THNSL1: variants seen among roughly 807,000 people sequenced by gnomAD.
THNSL1 encodes threonine synthase-like 1.
In THNSL1, 48 loss-of-function variants were observed where a neutral mutation model predicts 50.4. That is an observed-to-expected ratio of 0.95 (90% CI 0.76 to 1.21). THNSL1 has a LOEUF of 1.21. Ranked by LOEUF, THNSL1 falls within the 50% of genes most tolerant of loss-of-function variation. The probability of loss-of-function intolerance (pLI) is 0.00; values close to 1 mark genes in which losing one functional copy is unlikely to be tolerated. For missense variants in THNSL1, 896 were observed against 871.7 expected, an observed-to-expected ratio of 1.03 and a Z score of -0.35; for synonymous variants, 309 against 306.1, an observed-to-expected ratio of 1.01 and a Z score of -0.10.
upstream of THNSL1, among the ~76,000 whole-genome samples, chr10:25,014,631 C>CA (rs1270438156): frequency 3.3e-5 from 5 of 152,052 alleles, no homozygotes; most frequent in Non-Finnish European, 7.4e-5. Context: ...TACAATCTAC[C>CA]AATCTGTTAT....
At chr10:25,002,585 T>C in the THNSL1 span, among the ~76,000 whole-genome samples, 2 of 152,210 alleles carry the variant, frequency 1.3e-5, no homozygotes, top group South Asian at 2.1e-4. Context: ...TGTTGTTTCA[T>C]ATATTTTTTT....
At chr10:25,001,240 CTAAAGA>C in the THNSL1 span, among the ~76,000 whole-genome samples, 1 of 151,896 alleles carries the variant, frequency 6.6e-6, no homozygotes, top group Admixed American at 6.6e-5. Flanking sequence ...TCCATCGTTT[CTAAAGA>C]TAAATTTACT....
At chr10:24,988,664 GTATATATATATATATA>G in the THNSL1 span, among the ~76,000 whole-genome samples, 410 of 98,612 alleles carry the variant, frequency 4.2e-3, 4 homozygotes, top group Middle Eastern at 6.0e-3. Flanking sequence ...CACAGCATAT[GTATATATATATATATA>G]TATATATATA....
the THNSL1 span, among the ~76,000 whole-genome samples, chr10:24,967,692 ATGTG>A: frequency 4.6e-5 from 7 of 150,872 alleles, no homozygotes; most frequent in African/African-American, 1.2e-4. Context: ...ATGTGTCCAT[ATGTG>A]TGTATGATGT....
intron 1 of THNSL1, among the ~76,000 whole-genome samples, chr10:25,020,133 A>G (rs909457408): frequency 1.3e-5 from 2 of 152,106 alleles, no homozygotes; most frequent in African/African-American, 4.8e-5. Flanking sequence ...TAGAAATAAT[A>G]TATATTATAG....
chr10:24,970,206 C>T, the THNSL1 span, among the ~76,000 whole-genome samples: 2 of 152,198 alleles, frequency 1.3e-5, no homozygotes, highest in Non-Finnish European at 2.9e-5. Flanking sequence ...TAAGTATGCA[C>T]TCTTCTGAAA....
At chr10:25,004,971 C>T in the THNSL1 span, among the ~76,000 whole-genome samples, 2 of 152,146 alleles carry the variant, frequency 1.3e-5, no homozygotes, top group African/African-American at 4.8e-5. Flanking sequence ...TTTCATTCTT[C>T]TGCATATGGC....
the THNSL1 span, among the ~76,000 whole-genome samples, chr10:25,006,378 C>A: frequency 6.6e-6 from 1 of 152,132 alleles, no homozygotes; most frequent in Non-Finnish European, 1.5e-5. Flanking sequence ...TGGCAGCACA[C>A]CGAGAACATT....
At position 25,024,865 on chromosome 10, in the gene THNSL1, C is replaced by T. The variant is rs770057423; in HGVS notation, c.1642C>T (p.His548Tyr). 29 of 1,613,950 alleles carry T rather than the reference C, an allele frequency of 1.8e-5. No individual in the cohort carries two copies. Among genetic ancestry groups the T allele is most frequent in the Non-Finnish European group, 2.5e-5 (29 of 1,180,032 alleles). Reference protein sequence around the residue: ...HVLTDFIKTGHYDLRERKLAQ... With the variant: ...HVLTDFIKTGYYDLRERKLAQ... The stretch of plus-strand genomic sequence containing the variant: ...TTTGACTGATTTTATAAAAACAGGA[C>T]ATTATGATCTAAGGGAAAGAAAACT... Residue 548 changes from histidine to tyrosine, a missense_variant, in exon 3 of 3, where the codon CAT (histidine) becomes TAT (tyrosine). By Grantham distance (83) the His-to-Tyr change is moderately conservative. Coordinates refer to ENST00000376356, the MANE Select transcript of THNSL1 (RefSeq NM_024838.5).
the THNSL1 span, among the ~76,000 whole-genome samples, chr10:24,979,879 G>A: frequency 5.9e-5 from 9 of 151,658 alleles, no homozygotes; most frequent in South Asian, 1.0e-3. Flanking sequence ...TGGCGGCCCC[G>A]CCCCCGCCTC....
chr10:25,019,437 G>C (rs185644532), intron 1 of THNSL1, among the ~76,000 whole-genome samples: 50 of 152,302 alleles, frequency 3.3e-4, no homozygotes, highest in African/African-American at 1.2e-3. Context: ...TTGTGCCACT[G>C]CACTCCTGCC....
At chr10:25,011,015 G>T in the THNSL1 span, among the ~76,000 whole-genome samples, 125 of 149,478 alleles carry the variant, frequency 8.4e-4, 1 homozygote, top group Admixed American at 3.7e-3. Context: ...CTGAGGAATC[G>T]CCACACTGAC....
the THNSL1 span, among the ~76,000 whole-genome samples, chr10:24,965,758 T>A: frequency 6.6e-6 from 1 of 152,238 alleles, no homozygotes; most frequent in African/African-American, 2.4e-5. Flanking sequence ...GTTGAATCTC[T>A]TTCCTTGTTC....
chr10:24,957,894 C>T, the THNSL1 span, among the ~76,000 whole-genome samples: 1 of 152,330 alleles, frequency 6.6e-6, no homozygotes, highest in South Asian at 2.1e-4. Flanking sequence ...CTGTAATCAT[C>T]CTGTGCCACT....
At chr10:24,955,954 AAAT>A in the THNSL1 span, among the ~76,000 whole-genome samples, 5 of 151,920 alleles carry the variant, frequency 3.3e-5, no homozygotes, top group Admixed American at 2.6e-4. Context: ...CCCTACAAAC[AAAT>A]AATAATAATA....
chr10:25,011,175 T>G, the THNSL1 span, among the ~76,000 whole-genome samples: 4 of 152,172 alleles, frequency 2.6e-5, no homozygotes, highest in African/African-American at 9.7e-5. Flanking sequence ...TGGTTTTGAT[T>G]TGCATTTCTC....
chr10:24,960,457 T>G, the THNSL1 span, among the ~76,000 whole-genome samples: 1 of 152,078 alleles, frequency 6.6e-6, no homozygotes, highest in South Asian at 2.1e-4. Context: ...AGATGGAGCC[T>G]TGCTCTGTTT....
chr10:24,982,659 A>G, the THNSL1 span: 1 of 152,148 alleles, frequency 6.6e-6, no homozygotes, highest in Non-Finnish European at 1.5e-5. Flanking sequence ...TGACCTAGGT[A>G]TGTATGTGTA....
the THNSL1 span, among the ~76,000 whole-genome samples, chr10:24,996,175 C>T: frequency 1.2e-4 from 18 of 152,270 alleles, no homozygotes; most frequent in Non-Finnish European, 1.8e-4. Context: ...AGGCCGGGCA[C>T]GGTGGCCCAC....
Sources: gnomAD v4.1 joint callset for allele counts (sites outside exome capture counted in the v4.1 genomes callset) on GRCh38, gnomAD v4.1.1 for gene constraint, MANE v1.5 for transcripts, NCBI Gene and HGNC (gene_info 2026-07-23, HGNC 2026-07-21) for gene names.